The following FHIT variants were observed in gnomAD, a reference collection of about 807,000 sequenced individuals.
The protein encoded by FHIT is fragile histidine triad diadenosine triphosphatase.
FHIT carries 19 observed loss-of-function variants against 17.9 expected under a neutral mutation model. The observed-to-expected ratio is 1.06, with a 90% confidence interval of 0.74 to 1.56. The LOEUF (loss-of-function observed/expected upper bound fraction) is 1.56, where lower values mean the gene tolerates loss of function less well. Ranked by LOEUF, FHIT falls within the 40% of genes most tolerant of loss-of-function variation. The pLI is 0.00. For synonymous variants in FHIT, 81 were observed against 69.7 expected, an observed-to-expected ratio of 1.16 and a Z score of -0.81; for missense variants, 248 against 189.2, an observed-to-expected ratio of 1.31 and a Z score of -1.82.
intron 2 of FHIT, among the ~76,000 whole-genome samples, chr3:61,153,154 A>T (rs539140541): frequency 6.6e-6 from 1 of 152,046 alleles, no homozygotes; most frequent in East Asian, 1.9e-4. Context: ...AAAAAAAAAA[A>T]AAAAAAAGAC....
At chr3:61,175,020 A>AC (rs34363177) in intron 2 of FHIT, among the ~76,000 whole-genome samples, 70,595 of 151,808 alleles carry the variant, frequency 0.47, 17,281 homozygotes, top group East Asian at 0.87. Context: ...TGAAGAGAAG[A>AC]CCTGGATCCT....
intron 4 of FHIT, among the ~76,000 whole-genome samples, chr3:60,660,307 C>A (rs978944593): frequency 9.2e-5 from 14 of 152,078 alleles, no homozygotes; most frequent in African/African-American, 3.4e-4. Flanking sequence ...AGAACAGATT[C>A]CTGATTTTTG....
At chr3:60,368,277 C>T (rs571664059) in intron 5 of FHIT, among the ~76,000 whole-genome samples, 1 of 150,506 alleles carries the variant, frequency 6.6e-6, no homozygotes, top group South Asian at 2.1e-4. Context: ...TATGTTTATG[C>T]ATTTCTGTTA....
At chr3:60,174,830 C>G (rs557233031) in intron 5 of FHIT, among the ~76,000 whole-genome samples, 1 of 152,004 alleles carries the variant, frequency 6.6e-6, no homozygotes, top group Non-Finnish European at 1.5e-5. Context: ...TTTCTTTTTC[C>G]CCAGCCCCTA....
chr3:60,267,120 T>C (rs1706617509), intron 5 of FHIT, among the ~76,000 whole-genome samples: 1 of 152,060 alleles, frequency 6.6e-6, no homozygotes. Flanking sequence ...AGTTATGTTC[T>C]CTGCTTCCAT....
intron 3 of FHIT, among the ~76,000 whole-genome samples, chr3:60,947,399 T>A (rs1708685807): frequency 6.6e-6 from 1 of 152,176 alleles, no homozygotes; most frequent in African/African-American, 2.4e-5. Context: ...GTCCCTTCCC[T>A]CCAAAGACTG....
intron 5 of FHIT, among the ~76,000 whole-genome samples, chr3:60,378,447 T>A (rs1000457268): frequency 2.6e-4 from 39 of 152,302 alleles, no homozygotes; most frequent in African/African-American, 8.7e-4. Context: ...ACCAAGACCA[T>A]CAGGGTACAT....
chr3:60,624,905 T>TGTG (rs200551773), intron 4 of FHIT, among the ~76,000 whole-genome samples: 3 of 150,226 alleles, frequency 2.0e-5, no homozygotes, highest in African/African-American at 7.5e-5. Flanking sequence ...GTTTTTTTTT[T>TGTG]TGTTTGTTTG....
intron 5 of FHIT, among the ~76,000 whole-genome samples, chr3:60,339,330 GTCCATATCTGAA>G (rs1191724987): frequency 2.6e-5 from 4 of 151,974 alleles, no homozygotes; most frequent in African/African-American, 4.8e-5. Flanking sequence ...TATATTTCTA[GTCCATATCTGAA>G]TCCATATCTG....
At position 60,131,018 on chromosome 3, in the gene FHIT, CACATATATACATATGTGTAT is replaced by C. The variant is rs2107265650; in HGVS notation, c.104-116886_104-116867del. The stretch of plus-strand genomic sequence containing the variant: ...ACATATATACATATGTGTATATATA[CACATATATACATATGTGTAT>C]ATATACACATATATACATACATACA... On this transcript the variant is annotated intron_variant, in intron 5 of 9. Coordinates refer to ENST00000492590, the MANE Select transcript of FHIT (RefSeq NM_002012.4). Among the ~76,000 whole-genome samples, 2 of 112,400 alleles carry C rather than the reference CACATATATACATATGTGTAT, an allele frequency of 1.8e-5. 1 individual carries two copies. The highest frequency in any genetic ancestry group is 3.5e-5 in the Non-Finnish European group (2 of 57,954). The allele number at this position is 112,400 out of a possible 152,430, so 73.7% of individuals were successfully genotyped here.
chr3:61,205,621 T>G (rs2039200352), intron 1 of FHIT, among the ~76,000 whole-genome samples: 2 of 152,250 alleles, frequency 1.3e-5, no homozygotes, highest in South Asian at 4.1e-4. Flanking sequence ...AAATGTCTTC[T>G]TTTGAGAAGT....
At chr3:61,180,035 G>C (rs778345254) in intron 2 of FHIT, among the ~76,000 whole-genome samples, 1 of 152,126 alleles carries the variant, frequency 6.6e-6, no homozygotes, top group Non-Finnish European at 1.5e-5. Flanking sequence ...AAGAAGAAAA[G>C]ATACACTGAG....
At chr3:60,046,598 C>T (rs1023708760) in intron 5 of FHIT, among the ~76,000 whole-genome samples, 18 of 152,284 alleles carry the variant, frequency 1.2e-4, no homozygotes, top group Middle Eastern at 3.4e-3. Context: ...CAGAGCTAGC[C>T]TCTGACTGAG....
chr3:60,693,922 A>G (rs1448348377), intron 4 of FHIT, among the ~76,000 whole-genome samples: 2 of 152,218 alleles, frequency 1.3e-5, no homozygotes, highest in African/African-American at 2.4e-5. Flanking sequence ...ATCCTCTACT[A>G]TTAGTCTGCA....
intron 4 of FHIT, among the ~76,000 whole-genome samples, chr3:60,556,973 G>A (rs1429845485): frequency 6.6e-6 from 1 of 152,216 alleles, no homozygotes; most frequent in Non-Finnish European, 1.5e-5. Flanking sequence ...GACATCTCCT[G>A]ATGATACCCA....
intron 5 of FHIT, among the ~76,000 whole-genome samples, chr3:60,307,766 T>G (rs760322): frequency 0.56 from 84,981 of 151,892 alleles, 24,764 homozygotes; most frequent in East Asian, 0.96. Context: ...GAGAGAGCTG[T>G]TTCCCTACTA....
chr3:60,876,438 TTA>T (rs1230307378), intron 3 of FHIT, among the ~76,000 whole-genome samples: 1 of 152,226 alleles, frequency 6.6e-6, no homozygotes, highest in Non-Finnish European at 1.5e-5. Flanking sequence ...AATTTATTCT[TTA>T]TGAGTCTAGT....
At chr3:60,470,061 TC>T (rs2033010724) in intron 5 of FHIT, among the ~76,000 whole-genome samples, 3 of 135,970 alleles carry the variant, frequency 2.2e-5, no homozygotes, top group Admixed American at 7.1e-5. Flanking sequence ...TCTTTCTTTC[TC>T]TCTCTCTCTC....
chr3:60,269,843 T>A (rs2107624751), intron 5 of FHIT, among the ~76,000 whole-genome samples: 1 of 152,314 alleles, frequency 6.6e-6, no homozygotes, highest in South Asian at 2.1e-4. Flanking sequence ...AACTTCATTT[T>A]AAAAAACTGC....
Sources: gnomAD v4.1 joint callset for allele counts (sites outside exome capture counted in the v4.1 genomes callset) on GRCh38, gnomAD v4.1.1 for gene constraint, MANE v1.5 for transcripts, NCBI Gene and HGNC (gene_info 2026-07-23, HGNC 2026-07-21) for gene names.